Variants in RGS3 observed in about 807,000 individuals in gnomAD.
RGS3 encodes the protein regulator of G protein signaling 3, also known as regulator of G-protein signalling 3.
RGS3 carries 80 observed loss-of-function variants against 132.6 expected under a neutral mutation model. That is an observed-to-expected ratio of 0.60 (90% CI 0.50 to 0.73). The LOEUF (loss-of-function observed/expected upper bound fraction) is 0.73, where lower values mean the gene tolerates loss of function less well. RGS3 is among the 30% of genes least tolerant of loss of function. The pLI, the probability that RGS3 is intolerant of heterozygous loss-of-function variation, is 0.00. For missense variants in RGS3, 1,382 were observed against 1,530.8 expected, an observed-to-expected ratio of 0.90 and a Z score of 1.62; for synonymous variants, 598 against 620.6, an observed-to-expected ratio of 0.96 and a Z score of 0.54.
exon 9 of RGS3, chr9:113,497,367 C>G (rs1380826810): frequency 1.2e-6 from 2 of 1,613,632 alleles, no homozygotes; most frequent in Non-Finnish European, 1.7e-6. Flanking sequence ...GGACCAAGCA[C>G]TTGAAGGTGG....
At chr9:113,501,291 C>T (rs1005567935) in intron 10 of RGS3, 8 of 692,896 alleles carry the variant, frequency 1.2e-5, no homozygotes, top group African/African-American at 8.9e-5. Context: ...ACAAAGGCGC[C>T]CTCTCCCCGC....
chr9:113,573,694 C>T (rs539827346), intron 19 of RGS3, among the ~76,000 whole-genome samples: 307 of 152,296 alleles, frequency 2.0e-3, no homozygotes, highest in Middle Eastern at 6.8e-3. Context: ...GGGAGGGTCA[C>T]TGGGTGTACA....
At chr9:113,495,025 C>T (rs548444074) in intron 7 of RGS3, among the ~76,000 whole-genome samples, 1 of 152,124 alleles carries the variant, frequency 6.6e-6, no homozygotes, top group Non-Finnish European at 1.5e-5. Context: ...TAAGCATGCA[C>T]CACCACGTAG....
Position 113,494,436 on chromosome 9 carries a change from T to G in RGS3, c.690-1350T>G, listed in dbSNP as rs534204877. ...AAGATATTTTTGGACTTTATTAATA[T>G]TAACTGATGTTATCATTATTATTTT... On this transcript the variant is annotated intron_variant, in intron 7 of 24. Transcript: ENST00000350696. Among the ~76,000 whole-genome samples, 5 of 152,362 alleles carry G rather than the reference T, an allele frequency of 3.3e-5. No individual in the cohort carries two copies. In the South Asian group the frequency reaches 1.0e-3, roughly 32 times the overall value.
At chr9:113,528,649 A>C (rs568861411) in intron 17 of RGS3, among the ~76,000 whole-genome samples, 3 of 152,106 alleles carry the variant, frequency 2.0e-5, no homozygotes, top group African/African-American at 7.2e-5. Flanking sequence ...AATGGTTGCA[A>C]CTGGGATCCT....
intron 6 of RGS3, among the ~76,000 whole-genome samples, 167 bp downstream of exon 4, chr9:113,484,399 C>A (rs924835286): frequency 1.5e-4 from 23 of 150,080 alleles, no homozygotes; most frequent in Admixed American, 1.2e-3. Context: ...TGTTTTCTCA[C>A]TCACTTGTGT....
chr9:113,548,830 C>T (rs1440874583), intron 19 of RGS3, among the ~76,000 whole-genome samples: 1 of 152,192 alleles, frequency 6.6e-6, no homozygotes, highest in Non-Finnish European at 1.5e-5. Context: ...CTGAGGTTTG[C>T]TGTCACTGCC....
At chr9:113,564,324 G>T (rs1050225114) in intron 19 of RGS3, among the ~76,000 whole-genome samples, 1 of 152,210 alleles carries the variant, frequency 6.6e-6, no homozygotes, top group Non-Finnish European at 1.5e-5. Context: ...CTGCTGGTGA[G>T]GATTCAGTGA....
At chr9:113,480,120 C>T (rs1177366613) in intron 4 of RGS3, among the ~76,000 whole-genome samples, 1 of 152,150 alleles carries the variant, frequency 6.6e-6, no homozygotes, top group Non-Finnish European at 1.5e-5. Context: ...GTGCTTAGAA[C>T]AGTGCTGAAC....
exon 20 of RGS3, chr9:113,584,387 C>G (rs1349208372): frequency 6.5e-7 from 1 of 1,535,572 alleles, no homozygotes; most frequent in Non-Finnish European, 8.7e-7. Flanking sequence ...AATGGTGGCT[C>G]CATGCACCAC....
chr9:113,569,707 T>C (rs1314608505), intron 19 of RGS3, among the ~76,000 whole-genome samples: 1 of 151,764 alleles, frequency 6.6e-6, no homozygotes, highest in African/African-American at 2.4e-5. Context: ...ACTAGTGGCA[T>C]AGATCTAAAA....
chr9:113,577,290 T>G (rs1402639686), intron 19 of RGS3, among the ~76,000 whole-genome samples: 1 of 152,192 alleles, frequency 6.6e-6, no homozygotes, highest in Non-Finnish European at 1.5e-5. Flanking sequence ...GGCCTCAACT[T>G]TTATTTTTTA....
intron 19 of RGS3, among the ~76,000 whole-genome samples, chr9:113,538,494 G>A (rs1234724580): frequency 2.6e-5 from 4 of 152,146 alleles, no homozygotes; most frequent in Non-Finnish European, 5.9e-5. Flanking sequence ...CTCGCTCTCA[G>A]AGTTTGCTGA....
At chr9:113,572,104 G>C (rs909732228) in intron 19 of RGS3, among the ~76,000 whole-genome samples, 32 of 152,144 alleles carry the variant, frequency 2.1e-4, no homozygotes, top group African/African-American at 7.5e-4. Flanking sequence ...GTTTAGAGGG[G>C]CCTGAGGGTA....
chr9:113,448,432 T>C (rs552940489), intron 1 of RGS3, among the ~76,000 whole-genome samples: 190 of 152,318 alleles, frequency 1.2e-3, no homozygotes, highest in Non-Finnish European at 1.6e-3. Context: ...CTGACTTTTT[T>C]TTTGGTACTT....
rs1446068188 is a variant in RGS3 at position 113,507,924 on chromosome 9, G to C, written c.1437+286G>C. 6.6e-6 allele frequency among the ~76,000 whole-genome samples: 1 copy of C among 152,194 alleles called. No homozygotes were observed. The highest frequency in any genetic ancestry group is 1.5e-5 in the Non-Finnish European group (1 of 68,034). ...TTCTACTAGCCTGTGCTTTTCCCCA[G>C]TGGAATGGGCTGCCTTGGTAGGTGG... On this transcript the variant is annotated intron_variant, in intron 13 of 24. Transcript: ENST00000350696. This position sits in a 1 kb window ranked among gnomAD's most constrained non-coding sequence, Gnocchi z 5.0.
Position 113,595,881 on chromosome 9 carries a change from C to T in RGS3, c.3411+116C>T, listed in dbSNP as rs1460016260. The T allele has an allele frequency of 2.8e-6, 3 of 1,088,690 alleles. No individual in the cohort carries two copies. In the African/African-American group the frequency reaches 4.7e-5, roughly 17 times the overall value. 67.4% of individuals were successfully genotyped at this position (1,088,690 alleles called of 1,614,324 possible). ...GGAGAGGCCAGAATGACTCCATGAG[C>T]CCAGGTACCCAGCAGGGAAGATGCA... On this transcript the variant is annotated intron_variant, in intron 24 of 24. Transcript: ENST00000350696.
intron 19 of RGS3, among the ~76,000 whole-genome samples, chr9:113,574,190 A>G (rs1463234225): frequency 6.6e-6 from 1 of 152,074 alleles, no homozygotes; most frequent in East Asian, 1.9e-4. Context: ...CACCTTCCTT[A>G]CCTCTGCAGC....
chr9:113,581,915 C>T (rs1026919292), intron 19 of RGS3: 9 of 520,492 alleles, frequency 1.7e-5, no homozygotes, highest in African/African-American at 1.2e-4. Flanking sequence ...GTGCCCTTCC[C>T]GACCTTGGCC....
Sources: gnomAD v4.1 joint callset for allele counts (sites outside exome capture counted in the v4.1 genomes callset) on GRCh38, gnomAD v4.1.1 for gene constraint, Gnocchi (gnomAD v3.1) non-coding constraint, MANE v1.5 for transcripts, NCBI Gene and HGNC (gene_info 2026-07-23, HGNC 2026-07-21) for gene names.